The following SIX3 variants were observed in gnomAD, a reference collection of about 807,000 sequenced individuals.
SIX3 encodes SIX homeobox 3, also known as homeobox protein SIX3.
In SIX3, 2 loss-of-function variants were observed where a neutral mutation model predicts 21.7. That is an observed-to-expected ratio of 0.09 (90% CI 0.04 to 0.29). SIX3 has a LOEUF of 0.29. Ranked by LOEUF, SIX3 falls within the 10% of genes least tolerant of loss-of-function variation. The probability of loss-of-function intolerance (pLI) is 1.00; values close to 1 mark genes in which losing one functional copy is unlikely to be tolerated. For missense variants in SIX3, 347 were observed against 480.7 expected, an observed-to-expected ratio of 0.72 and a Z score of 2.60; for synonymous variants, 243 against 220.6, an observed-to-expected ratio of 1.10 and a Z score of -0.90.
chr2:44,944,539 G>A, intron 1 of SIX3, 29 bp from the exon 2 acceptor site: 1 of 1,551,802 alleles, frequency 6.4e-7, no homozygotes, highest in Non-Finnish European at 8.7e-7. Flanking sequence ...CTCTGTGTCA[G>A]GGCGGGCGCG....
chr2:44,943,406 C>T (rs1666620722), intron 1 of SIX3, among the ~76,000 whole-genome samples: 1 of 152,118 alleles, frequency 6.6e-6, no homozygotes, highest in Admixed American at 6.5e-5. Flanking sequence ...CCTGTTTCCC[C>T]GCAACGCTGC....
At position 44,942,618 on chromosome 2, in the gene SIX3, G is replaced by T; in HGVS notation, c.514G>T (p.Ala172Ser). 6.3e-7 allele frequency: 1 copy of T among 1,595,922 alleles called. No individual in the cohort carries two copies. The highest frequency in any genetic ancestry group is 8.5e-7 in the Non-Finnish European group (1 of 1,178,744). The part of the protein sequence containing the change: ...HGKLQAMWLE[A>S]HYQEAEKLRG... ...CAAGCTGCAGGCCATGTGGCTCGAG[G>T]CGCACTACCAGGAGGCCGAGAAGCT... The change falls in exon 1 of 2, where the codon GCG becomes TCG. Residue 172 changes from alanine to serine, a missense_variant. Coordinates refer to ENST00000260653, the MANE Select transcript of SIX3 (RefSeq NM_005413.4). The surrounding 1 kb of genome is among the most constrained non-coding windows in gnomAD (Gnocchi z 8.4).
In SIX3 at chr2:44,944,833, C is replaced by G. The variant is rs1572625556; in HGVS notation, c.*73C>G. ...TTCCCCTCCGCCTCCTAGCCCTCCT[C>G]CTCTTCCTCCTCTTCCTTCTCCTCC... On this transcript the variant is annotated 3_prime_UTR_variant, in exon 2 of 2. Coordinates refer to ENST00000260653, the MANE Select transcript of SIX3 (RefSeq NM_005413.4). The G allele has an allele frequency of 7.8e-7, 1 of 1,274,918 alleles. No homozygotes were observed. The highest frequency in any genetic ancestry group is 1.1e-6 in the Non-Finnish European group (1 of 907,558). 79.0% of individuals were successfully genotyped at this position (1,274,918 alleles called of 1,614,324 possible). A position where few individuals can be genotyped will look rare whatever the true frequency, so the allele number is the denominator to read the frequency against.
In SIX3 at chr2:44,945,851, G is replaced by C. The variant is rs534190162; in HGVS notation, c.*1091G>C. 2.0e-5 allele frequency: 3 copies of C among 152,338 alleles called. No individual in the cohort carries two copies. In the East Asian group the frequency reaches 5.8e-4, roughly 29 times the overall value. The allele number at this position is 152,338 out of a possible 1,614,324, so 9.4% of individuals were successfully genotyped here. A position where few individuals can be genotyped will look rare whatever the true frequency, so the allele number is the denominator to read the frequency against. On this transcript the variant is annotated 3_prime_UTR_variant, in exon 2 of 2. Transcript: ENST00000260653. ...CTGGTGTCGACTTGGCAGTCAAGGAGAGGCATGGTGGCCTGGGTTAGGAAG... is the reference window on the plus strand; with the variant it reads ...CTGGTGTCGACTTGGCAGTCAAGGACAGGCATGGTGGCCTGGGTTAGGAAG...
In SIX3 at chr2:44,945,052, G is replaced by T; in HGVS notation, c.*292G>T. The stretch of plus-strand genomic sequence containing the variant: ...CCCCGACGCCAACAGACAGTCAAAC[G>T]CTGATGTTGCGGGCAGAAAACATAA... On this transcript the variant is annotated 3_prime_UTR_variant, in exon 2 of 2. Coordinates refer to ENST00000260653, the MANE Select transcript of SIX3 (RefSeq NM_005413.4). The T allele has an allele frequency of 3.4e-5, 18 of 527,406 alleles. No individual in the cohort carries two copies. The South Asian group carries it at 3.5e-4, about 10-fold the overall frequency. 32.7% of individuals were successfully genotyped at this position (527,406 alleles called of 1,614,324 possible).
chr2:44,943,574 C>T (rs1333025761), intron 1 of SIX3, among the ~76,000 whole-genome samples: 1 of 152,208 alleles, frequency 6.6e-6, no homozygotes, highest in African/African-American at 2.4e-5. Context: ...CGGGCACGAG[C>T]AGCCTCGTTG....
chr2:44,942,644 G>C lies in SIX3; in HGVS notation c.540G>C (p.Leu180=). ...CGCACTACCAGGAGGCCGAGAAGCT[G>C]CGCGGCCGCCCACTCGGCCCGGTGG... The part of the protein sequence containing the change: ...LEAHYQEAEK[L]RGRPLGPVDK... The change falls in exon 1 of 2, where the codon CTG becomes CTC. Residue 180 remains leucine (L), a synonymous_variant. Coordinates refer to ENST00000260653, the MANE Select transcript of SIX3 (RefSeq NM_005413.4). The surrounding 1 kb of genome is among the most constrained non-coding windows in gnomAD (Gnocchi z 8.4). 8.1e-6 allele frequency: 13 copies of C among 1,597,124 alleles called. No homozygotes were observed. The highest frequency in any genetic ancestry group is 1.1e-5 in the Non-Finnish European group (13 of 1,178,762).
In SIX3 at chr2:44,941,947, C is replaced by A; in HGVS notation, c.-158C>A. 1.5e-6 allele frequency: 1 copy of A among 645,476 alleles called. No individual in the cohort carries two copies. The highest frequency in any genetic ancestry group is 2.8e-6 in the Non-Finnish European group (1 of 351,160). The allele number at this position is 645,476 out of a possible 1,614,324, so 40.0% of individuals were successfully genotyped here. A position where few individuals can be genotyped will look rare whatever the true frequency, so the allele number is the denominator to read the frequency against. On this transcript the variant is annotated 5_prime_UTR_variant, in exon 1 of 2. Coordinates refer to ENST00000260653, the MANE Select transcript of SIX3 (RefSeq NM_005413.4). ...GTGTGGGGTGTGGGTGTCCCTTACG[C>A]CCTTCCTCCTCTCCCTCCTCCTCCT... is the stretch of plus-strand genomic sequence containing the variant.
At chr2:44,944,085 C>G (rs747939828) in intron 1 of SIX3, among the ~76,000 whole-genome samples, 59 of 152,200 alleles carry the variant, frequency 3.9e-4, no homozygotes, top group Non-Finnish European at 8.2e-4. Flanking sequence ...TCTCCTTTGC[C>G]CCTTTTCTGT....
rs555285206 is a variant in SIX3 at position 44,942,290 on chromosome 2, A to AGGC, written c.205_207dup (p.Gly69dup). On this transcript the variant is annotated inframe_insertion, in exon 1 of 2. Coordinates refer to ENST00000260653, the MANE Select transcript of SIX3 (RefSeq NM_005413.4). This position sits in a 1 kb window ranked among gnomAD's most constrained non-coding sequence, Gnocchi z 8.4. ...CGGGAGGCGGCGGTGCTGGCGGAGC[A>AGGC]GGCGGCGGCGGCGGCGGCGGCTCCA... 3.2e-4 allele frequency: 496 copies of AGGC among 1,556,088 alleles called. No homozygotes were observed. The African/African-American group carries it at 4.7e-3, about 15-fold the overall frequency.
Position 44,942,054 on chromosome 2 carries a change from C to G in SIX3, c.-51C>G, listed in dbSNP as rs777545465. On this transcript the variant is annotated 5_prime_UTR_variant, in exon 1 of 2. Transcript: ENST00000260653. This position sits in a 1 kb window ranked among gnomAD's most constrained non-coding sequence, Gnocchi z 8.4. The stretch of plus-strand genomic sequence containing the variant: ...TCATCGCCCCTCTCCTCCTCTTCCT[C>G]CCCTCTCTCTTCCTCTCCCTGAATT... 4.6e-5 allele frequency: 67 copies of G among 1,456,120 alleles called. No individual in the cohort carries two copies. The highest frequency in any genetic ancestry group is 6.0e-5 in the Non-Finnish European group (63 of 1,057,720). 90.2% of individuals were successfully genotyped at this position (1,456,120 alleles called of 1,614,324 possible).
Position 44,944,551 on chromosome 2 carries a change from A to G in SIX3, c.807-17A>G. 1 of 1,561,872 alleles carries G rather than the reference A, an allele frequency of 6.4e-7. No homozygotes were observed. The highest frequency in any genetic ancestry group is 2.4e-5 in the East Asian group (1 of 42,208). On this transcript the variant is annotated splice_polypyrimidine_tract_variant and intron_variant, in intron 1 of 1. Coordinates refer to ENST00000260653, the MANE Select transcript of SIX3 (RefSeq NM_005413.4). ...GGCCTCTGTGTCAGGGCGGGCGCGGATCTCTTTCTCCCGCAGGCTCCAGCA... is the reference window on the plus strand; with the variant it reads ...GGCCTCTGTGTCAGGGCGGGCGCGGGTCTCTTTCTCCCGCAGGCTCCAGCA...
At position 44,941,797 on chromosome 2, in the gene SIX3, C is replaced by G. The variant is rs189304081; in HGVS notation, c.-308C>G. On this transcript the variant is annotated 5_prime_UTR_variant, in exon 1 of 2. Coordinates refer to ENST00000260653, the MANE Select transcript of SIX3 (RefSeq NM_005413.4). ...AATCTTGACTCGGCGGTGGTTGGCTCTCCCTCTCCTCTCTCCCTCTCCCTC... is the reference window on the plus strand; with the variant it reads ...AATCTTGACTCGGCGGTGGTTGGCTGTCCCTCTCCTCTCTCCCTCTCCCTC... The G allele has an allele frequency of 5.0e-4, 173 of 348,752 alleles. 1 individual carries two copies. Among genetic ancestry groups the G allele is most frequent in the African/African-American group, 3.5e-3 (163 of 47,172 alleles). 21.6% of individuals were successfully genotyped at this position (348,752 alleles called of 1,614,324 possible). A position where few individuals can be genotyped will look rare whatever the true frequency, so the allele number is the denominator to read the frequency against.
Position 44,944,855 on chromosome 2 carries a change from C to T in SIX3, c.*95C>T. The T allele has an allele frequency of 8.5e-7, 1 of 1,176,906 alleles. No individual in the cohort carries two copies. Among genetic ancestry groups the T allele is most frequent in the South Asian group, 1.3e-5 (1 of 76,608 alleles). The allele number at this position is 1,176,906 out of a possible 1,614,324, so 72.9% of individuals were successfully genotyped here. ...CCTCCTCTTCCTCCTCTTCCTTCTC[C>T]TCCTCCATCCCCAGAACAAACCGAA... On this transcript the variant is annotated 3_prime_UTR_variant, in exon 2 of 2. Coordinates refer to ENST00000260653, the MANE Select transcript of SIX3 (RefSeq NM_005413.4).
At chr2:44,943,563 G>A (rs1666627279) in intron 1 of SIX3, among the ~76,000 whole-genome samples, 1 of 152,262 alleles carries the variant, frequency 6.6e-6, no homozygotes, top group African/African-American at 2.4e-5. Context: ...AAGCTGGGAA[G>A]CGGGCACGAG....
rs143839203 is a variant in SIX3, at chr2:44,945,196, T to C, written c.*436T>C. 1 of 172,788 alleles carries C rather than the reference T, an allele frequency of 5.8e-6. No individual in the cohort carries two copies. Among genetic ancestry groups the C allele is most frequent in the Non-Finnish European group, 1.2e-5 (1 of 81,284 alleles). The allele number at this position is 172,788 out of a possible 1,614,324, so 10.7% of individuals were successfully genotyped here. On this transcript the variant is annotated 3_prime_UTR_variant, in exon 2 of 2. Transcript: ENST00000260653. ...TATCTGGGAAAATATTCTCTCTAGTTAAAAATGATTTAAAGAGTCGACTAT... is the reference window on the plus strand; with the variant it reads ...TATCTGGGAAAATATTCTCTCTAGTCAAAAATGATTTAAAGAGTCGACTAT...
Position 44,944,942 on chromosome 2 carries a change from A to C in SIX3, c.*182A>C. ...ACACACTCCCACCCCAGCCAAAAAT[A>C]TATAAAAAACAAGAAAATAACAAAT... On this transcript the variant is annotated 3_prime_UTR_variant, in exon 2 of 2. Transcript: ENST00000260653. 1.6e-6 allele frequency: 1 copy of C among 622,930 alleles called. No individual in the cohort carries two copies. Among genetic ancestry groups the C allele is most frequent in the Non-Finnish European group, 2.8e-6 (1 of 352,396 alleles). The allele number at this position is 622,930 out of a possible 1,614,324, so 38.6% of individuals were successfully genotyped here.
Position 44,941,889 on chromosome 2 carries a change from T to G in SIX3, c.-216T>G. The G allele has an allele frequency of 4.3e-6, 2 of 467,804 alleles. No individual in the cohort carries two copies. Among genetic ancestry groups the G allele is most frequent in the Non-Finnish European group, 4.0e-6 (1 of 247,042 alleles). 29.0% of individuals were successfully genotyped at this position (467,804 alleles called of 1,614,324 possible). A position where few individuals can be genotyped will look rare whatever the true frequency, so the allele number is the denominator to read the frequency against. Reference sequence around the variant, plus strand: ...GGCCGCTCTCCTACCTCCCTCTCTATGTGGCTGCGCGGGTGTGTGTGTGTG... The same window carrying G: ...GGCCGCTCTCCTACCTCCCTCTCTAGGTGGCTGCGCGGGTGTGTGTGTGTG... On this transcript the variant is annotated 5_prime_UTR_variant, in exon 1 of 2. It removes an upstream start codon present in the reference 5' UTR. Transcript: ENST00000260653.
At position 44,944,648 on chromosome 2, in the gene SIX3, C is replaced by G. The variant is rs751280287; in HGVS notation, c.887C>G (p.Ser296Trp). The G allele has an allele frequency of 1.2e-4, 187 of 1,574,258 alleles. No homozygotes were observed. Among genetic ancestry groups the G allele is most frequent in the Non-Finnish European group, 1.5e-4 (180 of 1,167,956 alleles). Residue 296 changes from serine to tryptophan, a missense_variant, in exon 2 of 2, where the codon TCG becomes TGG. Physicochemically the swap from Ser to Trp is radical, Grantham distance 177 (BLOSUM62 -3). Coordinates refer to ENST00000260653, the MANE Select transcript of SIX3 (RefSeq NM_005413.4). ...PGCPTHGSAE[S>W]PSTAASPTTS... ...TGCCCCACGCACGGCTCGGCAGAGT[C>G]GCCGTCCACGGCGGCCAGCCCGACC...
Sources: allele counts gnomAD v4.1 joint callset (sites outside exome capture counted in the v4.1 genomes callset), GRCh38; gene constraint gnomAD v4.1.1; non-coding constraint Gnocchi (gnomAD v3.1); transcripts MANE v1.5; gene names NCBI Gene and HGNC (gene_info 2026-07-23, HGNC 2026-07-21).